The following CFAP91 variants were observed in gnomAD, a reference collection of about 807,000 sequenced individuals.
CFAP91 encodes the protein cilia- and flagella-associated protein 91.
In CFAP91, 85 loss-of-function variants were observed where a neutral mutation model predicts 95.9. That is an observed-to-expected ratio of 0.89 (90% CI 0.74 to 1.06). The LOEUF is 1.06. CFAP91 is among the 50% of genes least tolerant of loss of function. The pLI is 0.00. For missense variants in CFAP91, 962 were observed against 943.4 expected, an observed-to-expected ratio of 1.02 and a Z score of -0.26; for synonymous variants, 335 against 327.5, an observed-to-expected ratio of 1.02 and a Z score of -0.25.
chr3:119,747,300 C>T (rs1203282677), intron 15 of CFAP91, 37 bp downstream of exon 15: 1 of 1,583,928 alleles, frequency 6.3e-7, no homozygotes, highest in Non-Finnish European at 8.6e-7. Context: ...AATGGACAGC[C>T]CATTTGCTGG....
chr3:119,710,623 A>G (rs2053455609), intron 5 of CFAP91, among the ~76,000 whole-genome samples: 1 of 152,238 alleles, frequency 6.6e-6, no homozygotes, highest in African/African-American at 2.4e-5. Flanking sequence ...AGTGCTTTAA[A>G]TATCTTCTTT....
At chr3:119,713,083 T>TTTTATTTATTTATTTA (rs199743132) in intron 5 of CFAP91, 1 of 139,680 alleles carries the variant, frequency 7.2e-6, no homozygotes, top group Admixed American at 7.2e-5. Context: ...TTTATTTTAT[T>TTTTATTTATTTATTTA]TTTATTTATT....
intron 8 of CFAP91, 112 bp downstream of exon 8, chr3:119,730,489 A>G: frequency 9.5e-7 from 1 of 1,048,206 alleles, no homozygotes; most frequent in South Asian, 1.5e-5. Context: ...TGGGAATCAC[A>G]TAGGTAAGGG....
chr3:119,715,929 T>C, intron 6 of CFAP91, 186 bp downstream of exon 6: 1 of 612,108 alleles, frequency 1.6e-6, no homozygotes, highest in Non-Finnish European at 2.9e-6. Flanking sequence ...TATCTTTTTA[T>C]TGTGAGTAGT....
intron 10 of CFAP91, among the ~76,000 whole-genome samples, chr3:119,736,037 C>T (rs1334864847): frequency 1.3e-5 from 2 of 151,328 alleles, no homozygotes; most frequent in African/African-American, 4.9e-5. Flanking sequence ...TTTGTTTGCC[C>T]CTTTATTTTG....
chr3:119,766,229 A>T lies in CFAP91; in HGVS notation c.*1179A>T, dbSNP rs998105629. ...AAATGACAGAAGTTAGCTGTAGATG[A>T]CCTATCCCACAGCAATCGGAGTTCT... On this transcript the variant is annotated 3_prime_UTR_variant, in exon 18 of 18. Coordinates refer to ENST00000273390, the MANE Select transcript of CFAP91 (RefSeq NM_033364.4). 2 of 149,690 alleles carry T rather than the reference A, an allele frequency of 1.3e-5. No homozygotes were observed. The highest frequency in any genetic ancestry group is 2.6e-5 in the African/African-American group (1 of 39,018). 9.3% of individuals were successfully genotyped at this position (149,690 alleles called of 1,614,324 possible).
intron 1 of CFAP91, among the ~76,000 whole-genome samples, chr3:119,704,177 G>GC (rs1553704291): frequency 1.3e-5 from 2 of 151,356 alleles, no homozygotes; most frequent in Non-Finnish European, 3.0e-5. Flanking sequence ...ACATCACCAT[G>GC]TTTTTTTTTC....
rs9848716 is a variant in CFAP91 at position 119,707,460 on chromosome 3, T to C, written c.258T>C (p.Tyr86=). The C allele has an allele frequency of 0.7, 1,113,038 of 1,585,064 alleles. 399,832 individuals carry two copies. Among genetic ancestry groups the C allele is most frequent in the East Asian group, 0.77 (34,158 of 44,386 alleles). The change falls in exon 3 of 18, where the codon TAT becomes TAC. Residue 86 remains tyrosine, a synonymous_variant. Coordinates refer to ENST00000273390, the MANE Select transcript of CFAP91 (RefSeq NM_033364.4). The part of the protein sequence containing the change: ...MFSNLIHYPR[Y]SLYWSKSDPV... The stretch of plus-strand genomic sequence containing the variant: ...GTAACCTGATCCATTATCCAAGATA[T>C]TCTCTATATTGGAGCAAGTCAGATC...
intron 5 of CFAP91, among the ~76,000 whole-genome samples, chr3:119,711,596 C>G (rs1216349614): frequency 2.0e-5 from 3 of 152,224 alleles, no homozygotes; most frequent in African/African-American, 7.2e-5. Context: ...TGTAGCTACT[C>G]TCTATCTGTC....
chr3:119,741,097 C>T (rs1384388041), intron 13 of CFAP91, among the ~76,000 whole-genome samples: 1 of 152,200 alleles, frequency 6.6e-6, no homozygotes, highest in African/African-American at 2.4e-5. Context: ...GGTGATCCGC[C>T]TGCCTCAGCT....
chr3:119,707,349 C>T, intron 2 of CFAP91, 55 bp from the exon 3 acceptor site: 15 of 1,298,394 alleles, frequency 1.2e-5, no homozygotes, highest in Admixed American at 4.5e-5. Flanking sequence ...AATTAAAATG[C>T]TTTAGAAAAG....
intron 17 of CFAP91, among the ~76,000 whole-genome samples, chr3:119,760,783 T>A (rs1380736082): frequency 6.7e-6 from 1 of 148,360 alleles, no homozygotes; most frequent in Non-Finnish European, 1.5e-5. Flanking sequence ...CAACAAGAAG[T>A]CAAAGAAGAA....
chr3:119,736,663 C>T (rs923715448), intron 10 of CFAP91, among the ~76,000 whole-genome samples: 4 of 152,158 alleles, frequency 2.6e-5, no homozygotes, highest in Admixed American at 2.0e-4. Flanking sequence ...CGTCTGGCTT[C>T]TTTCACTTAG....
At chr3:119,735,710 T>C (rs1003300604) in intron 10 of CFAP91, among the ~76,000 whole-genome samples, 7 of 152,172 alleles carry the variant, frequency 4.6e-5, no homozygotes, top group African/African-American at 1.7e-4. Context: ...ACTTGATGGG[T>C]AGAGCAGGCA....
At position 119,725,278 on chromosome 3, in the gene CFAP91, C is replaced by T. The variant is rs376589387; in HGVS notation, c.683-893C>T. Reference sequence around the variant, plus strand: ...CGTTGGCTTAGGTCTCAGCCAGTGTCTCGGAGCTGGTCAGGAGACATATCC... The same window carrying T: ...CGTTGGCTTAGGTCTCAGCCAGTGTTTCGGAGCTGGTCAGGAGACATATCC... On this transcript the variant is annotated intron_variant, in intron 6 of 17. Coordinates refer to ENST00000273390, the MANE Select transcript of CFAP91 (RefSeq NM_033364.4). 7.0e-4 allele frequency among the ~76,000 whole-genome samples: 106 copies of T among 152,320 alleles called. 1 individual carries two copies. Among genetic ancestry groups the T allele is most frequent in the African/African-American group, 2.5e-3 (105 of 41,572 alleles).
chr3:119,721,391 C>A (rs899774564), intron 6 of CFAP91, among the ~76,000 whole-genome samples: 1 of 152,196 alleles, frequency 6.6e-6, no homozygotes. Context: ...AAAGGTGAAA[C>A]TTCAGAAGCT....
chr3:119,717,347 G>C (rs1015604886), intron 6 of CFAP91, among the ~76,000 whole-genome samples: 12 of 152,106 alleles, frequency 7.9e-5, no homozygotes, highest in African/African-American at 2.9e-4. Context: ...TGCTTCATTA[G>C]GCAAAAAACA....
intron 5 of CFAP91, chr3:119,713,078 TTTATTTTTA>T (rs1326508091): frequency 2.0e-5 from 3 of 147,276 alleles, no homozygotes; most frequent in South Asian, 2.2e-4. Flanking sequence ...AAATTTTTAT[TTTATTTTTA>T]TTTATTTATT....
At chr3:119,761,535 A>G (rs1216221674) in intron 17 of CFAP91, among the ~76,000 whole-genome samples, 1 of 151,894 alleles carries the variant, frequency 6.6e-6, no homozygotes, top group Admixed American at 6.6e-5. Flanking sequence ...CAAGGATACT[A>G]CAAGAAAGAA....
Sources: gnomAD v4.1 joint callset for allele counts (sites outside exome capture counted in the v4.1 genomes callset) on GRCh38, gnomAD v4.1.1 for gene constraint, MANE v1.5 for transcripts, NCBI Gene and HGNC (gene_info 2026-07-23, HGNC 2026-07-21) for gene names.